C3orf70: variants seen among roughly 807,000 people sequenced by gnomAD.
C3orf70 encodes UPF0524 protein C3orf70.
A neutral mutation model predicts 20.7 loss-of-function variants in C3orf70; 15 were observed. That is an observed-to-expected ratio of 0.72 (90% CI 0.48 to 1.11). The LOEUF is 1.11. Among genes scored for constraint, C3orf70 ranks in the 50% most tolerant of loss-of-function variants. The pLI, the probability that C3orf70 is intolerant of heterozygous loss-of-function variation, is 0.00. For synonymous variants in C3orf70, 161 were observed against 125.7 expected, an observed-to-expected ratio of 1.28 and a Z score of -1.88; for missense variants, 332 against 317.6, an observed-to-expected ratio of 1.05 and a Z score of -0.34.
At chr3:185,148,185 T>C (rs1231993325) in intron 1 of C3orf70, among the ~76,000 whole-genome samples, 13 of 152,230 alleles carry the variant, frequency 8.5e-5, no homozygotes, top group Admixed American at 7.9e-4. Context: ...CTGCAACCTA[T>C]AAGTAAGTAA....
At chr3:185,125,315 G>T (rs922345124) in intron 1 of C3orf70, among the ~76,000 whole-genome samples, 1 of 152,078 alleles carries the variant, frequency 6.6e-6, no homozygotes, top group African/African-American at 2.4e-5. Flanking sequence ...GGAAGGCAGA[G>T]GTTGCGGTGA....
At chr3:185,112,056 T>A (rs1338649124) in intron 1 of C3orf70, among the ~76,000 whole-genome samples, 1 of 152,074 alleles carries the variant, frequency 6.6e-6, no homozygotes, top group Non-Finnish European at 1.5e-5. Context: ...TTTGGGAGGC[T>A]GAGGCAGGTG....
chr3:185,143,619 A>C (rs1716800792), intron 1 of C3orf70, among the ~76,000 whole-genome samples: 1 of 152,190 alleles, frequency 6.6e-6, no homozygotes. Flanking sequence ...TATAAGAGAA[A>C]AGCAAAGGAA....
chr3:185,084,368 T>TA (rs1213131297), intron 1 of C3orf70, among the ~76,000 whole-genome samples: 3 of 152,052 alleles, frequency 2.0e-5, no homozygotes, highest in African/African-American at 7.3e-5. Context: ...ATAAGATACA[T>TA]ACACCTACAT....
At chr3:185,094,801 A>T (rs1715667649) in intron 1 of C3orf70, among the ~76,000 whole-genome samples, 1 of 152,184 alleles carries the variant, frequency 6.6e-6, no homozygotes, top group African/African-American at 2.4e-5. Context: ...GAGCTAGCTG[A>T]ATACAGTTAT....
Position 185,081,659 on chromosome 3 carries a change from T to C in C3orf70, c.*1348A>G, listed in dbSNP as rs150181262. The stretch of plus-strand genomic sequence containing the variant: ...GACTCACAAGAATACCTGGTATAAA[T>C]GGAGAGTAGAAGTAGAATTCTGAAG... On this transcript the variant is annotated 3_prime_UTR_variant, in exon 2 of 2. Coordinates refer to ENST00000335012, the MANE Select transcript of C3orf70 (RefSeq NM_001025266.3). 9.1e-4 allele frequency: 139 copies of C among 152,676 alleles called. No individual in the cohort carries two copies. The highest frequency in any genetic ancestry group is 3.1e-3 in the African/African-American group (128 of 41,560). 9.5% of individuals were successfully genotyped at this position (152,676 alleles called of 1,614,324 possible). A position where few individuals can be genotyped will look rare whatever the true frequency, so the allele number is the denominator to read the frequency against.
At chr3:185,137,430 C>G (rs1026361673) in intron 1 of C3orf70, among the ~76,000 whole-genome samples, 1 of 152,138 alleles carries the variant, frequency 6.6e-6, no homozygotes, top group African/African-American at 2.4e-5. Flanking sequence ...AACTCAACAA[C>G]AAAATCAATA....
intron 1 of C3orf70, among the ~76,000 whole-genome samples, chr3:185,150,546 A>T (rs1462432695): frequency 6.6e-6 from 1 of 152,256 alleles, no homozygotes; most frequent in Non-Finnish European, 1.5e-5. Flanking sequence ...ATGTTAAAAA[A>T]AAACAAAACA....
Position 185,084,137 on chromosome 3 carries a change from C to G in C3orf70, c.197-574G>C, listed in dbSNP as rs537276862. 7.5e-4 allele frequency among the ~76,000 whole-genome samples: 113 copies of G among 151,432 alleles called. 1 individual carries two copies. Among genetic ancestry groups the G allele is most frequent in the African/African-American group, 2.6e-3 (108 of 41,232 alleles). On this transcript the variant is annotated intron_variant, in intron 1 of 1. Coordinates refer to ENST00000335012, the MANE Select transcript of C3orf70 (RefSeq NM_001025266.3). ...AGCGGAGGTTGCAGTGAGCCGAGAT[C>G]GTGCCACTGCACTCCAGCCTGGGCG...
intron 1 of C3orf70, among the ~76,000 whole-genome samples, chr3:185,094,343 C>T (rs1291794404): frequency 2.6e-5 from 4 of 152,220 alleles, no homozygotes; most frequent in East Asian, 3.9e-4. Context: ...TCCCAAAGTG[C>T]TGTGATTACA....
At chr3:185,085,760 G>T (rs1024561674) in intron 1 of C3orf70, among the ~76,000 whole-genome samples, 5 of 150,068 alleles carry the variant, frequency 3.3e-5, no homozygotes, top group Non-Finnish European at 5.9e-5. Context: ...GGACACTATC[G>T]GCTGAAGGGC....
chr3:185,083,673 CAAAA>C lies in C3orf70; in HGVS notation c.197-114_197-111del, dbSNP rs995681013. On this transcript the variant is annotated intron_variant, in intron 1 of 1. Coordinates refer to ENST00000335012, the MANE Select transcript of C3orf70 (RefSeq NM_001025266.3). Reference sequence around the variant, plus strand: ...CTTTAAAAATATTTCAGTAACACCTCAAAAGAAACTAGTAATAAAATCATTCAAC... The same window carrying C: ...CTTTAAAAATATTTCAGTAACACCTCGAAACTAGTAATAAAATCATTCAAC... 6.1e-6 allele frequency: 5 copies of C among 824,284 alleles called. No individual in the cohort carries two copies. The Admixed American group carries it at 9.2e-5, about 15-fold the overall frequency. 51.1% of individuals were successfully genotyped at this position (824,284 alleles called of 1,614,324 possible).
At position 185,109,632 on chromosome 3, in the gene C3orf70, G is replaced by A. The variant is rs189841749; in HGVS notation, c.197-26069C>T. On this transcript the variant is annotated intron_variant, in intron 1 of 1. Coordinates refer to ENST00000335012, the MANE Select transcript of C3orf70 (RefSeq NM_001025266.3). ...ATAATTTAATGGTAGCTATGATAGT[G>A]GTTATCACCACTGCCGTGAGTATTC... Among the ~76,000 whole-genome samples the A allele has an allele frequency of 4.1e-4, 62 of 152,272 alleles. 1 individual carries two copies. Among genetic ancestry groups the A allele is most frequent in the African/African-American group, 1.4e-3 (57 of 41,552 alleles).
intron 1 of C3orf70, among the ~76,000 whole-genome samples, chr3:185,104,112 G>A (rs540547153): frequency 9.9e-5 from 15 of 152,218 alleles, no homozygotes; most frequent in Admixed American, 8.5e-4. Flanking sequence ...ACTGTAAAAC[G>A]GCAATCCACT....
At chr3:185,102,190 C>T (rs544100848) in intron 1 of C3orf70, among the ~76,000 whole-genome samples, 1 of 152,324 alleles carries the variant, frequency 6.6e-6, no homozygotes, top group East Asian at 1.9e-4. Flanking sequence ...GGCCCAAAAG[C>T]TCCTTCAGCT....
At chr3:185,130,944 T>C (rs1276845788) in intron 1 of C3orf70, among the ~76,000 whole-genome samples, 1 of 152,274 alleles carries the variant, frequency 6.6e-6, no homozygotes, top group Non-Finnish European at 1.5e-5. Context: ...AGTTTTTTTA[T>C]GGACATATGT....
At chr3:185,125,072 AAAACCACCACTTTG>A (rs1394662508) in intron 1 of C3orf70, among the ~76,000 whole-genome samples, 1 of 152,182 alleles carries the variant, frequency 6.6e-6, no homozygotes, top group Non-Finnish European at 1.5e-5. Context: ...AATGCAAAAT[AAAACCACCACTTTG>A]AAAAACAGTT....
At chr3:185,093,271 A>T (rs1452541043) in intron 1 of C3orf70, among the ~76,000 whole-genome samples, 1 of 152,198 alleles carries the variant, frequency 6.6e-6, no homozygotes, top group Non-Finnish European at 1.5e-5. Flanking sequence ...ACACTCTGAC[A>T]CCCTCAAGTA....
At chr3:185,118,773 T>C (rs1036748006) in intron 1 of C3orf70, among the ~76,000 whole-genome samples, 2 of 152,196 alleles carry the variant, frequency 1.3e-5, no homozygotes, top group East Asian at 3.8e-4. Flanking sequence ...TAAAACAATT[T>C]AGATTCATGT....
Sources: gnomAD v4.1 joint callset for allele counts (sites outside exome capture counted in the v4.1 genomes callset) on GRCh38, gnomAD v4.1.1 for gene constraint, MANE v1.5 for transcripts, NCBI Gene and HGNC (gene_info 2026-07-23, HGNC 2026-07-21) for gene names.